Variants in JPT2 observed in about 807,000 individuals in gnomAD.
JPT2 encodes Jupiter microtubule associated homolog 2.
A neutral mutation model predicts 15.9 loss-of-function variants in JPT2; 9 were observed. The ratio of observed to expected loss-of-function variants is 0.57; its 90% CI spans 0.34 to 0.99. The LOEUF (loss-of-function observed/expected upper bound fraction) is 0.99. Among genes scored for constraint, JPT2 ranks in the 50% least tolerant of loss-of-function variants. The pLI is 0.02. For missense variants in JPT2, 267 were observed against 252.1 expected, an observed-to-expected ratio of 1.06 and a Z score of -0.40; for synonymous variants, 95 against 91.7, an observed-to-expected ratio of 1.04 and a Z score of -0.21.
intron 3 of JPT2, among the ~76,000 whole-genome samples, chr16:1,693,919 T>G (rs1483428278): frequency 6.6e-6 from 1 of 151,942 alleles, no homozygotes; most frequent in African/African-American, 2.4e-5. Flanking sequence ...TGGATTTAAA[T>G]TCACCAACTG....
chr16:1,699,107 A>C lies in JPT2; in HGVS notation c.*109A>C. On this transcript the variant is annotated 3_prime_UTR_variant, in exon 5 of 5. Transcript: ENST00000248098. ...GCGGGGTGGGAAGAGGGTTAGTCTT[A>C]TGTGAGCCTGGCTGCTCAGCGTCTC... The C allele has an allele frequency of 8.5e-7, 1 of 1,171,082 alleles. No individual in the cohort carries two copies. Among genetic ancestry groups the C allele is most frequent in the Non-Finnish European group, 1.3e-6 (1 of 795,752 alleles). 72.5% of individuals were successfully genotyped at this position (1,171,082 alleles called of 1,614,324 possible). A position where few individuals can be genotyped will look rare whatever the true frequency, so the allele number is the denominator to read the frequency against.
At chr16:1,688,502 C>G (rs1249917577) in intron 2 of JPT2, 1 of 152,246 alleles carries the variant, frequency 6.6e-6, no homozygotes. Flanking sequence ...TTTTTCAGGG[C>G]ATTGCCTGGT....
At chr16:1,681,822 G>A (rs985613804) in intron 1 of JPT2, among the ~76,000 whole-genome samples, 1 of 152,178 alleles carries the variant, frequency 6.6e-6, no homozygotes, top group Non-Finnish European at 1.5e-5. Context: ...GGAATGTGGG[G>A]TCGGGAAAGA....
Position 1,700,529 on chromosome 16 carries a change from T to TTTTTTAATGATACG in JPT2, c.*1531_*1532insTTTTTAATGATACG. 1.1e-4 allele frequency: 21 copies of TTTTTTAATGATACG among 186,550 alleles called. No homozygotes were observed. Among genetic ancestry groups the TTTTTTAATGATACG allele is most frequent in the East Asian group, 3.4e-4 (3 of 8,766 alleles). The allele number at this position is 186,550 out of a possible 1,614,324, so 11.6% of individuals were successfully genotyped here. ...CATGCTGCCTCACTGCTTAAGTGCC[T>TTTTTTAATGATACG]GCAGGAGCCGCCTGCCAAGCTCCCC... On this transcript the variant is annotated 3_prime_UTR_variant, in exon 5 of 5. Coordinates refer to ENST00000248098, the MANE Select transcript of JPT2 (RefSeq NM_144570.3).
chr16:1,683,489 T>C, intron 1 of JPT2: 1 of 1,475,470 alleles, frequency 6.8e-7, no homozygotes, highest in Non-Finnish European at 9.1e-7. Flanking sequence ...TTTTTTTTTC[T>C]CCCTCCTCAA....
rs751739235 is a variant in JPT2, at chr16:1,685,471, A to G, written c.77A>G (p.Asn26Ser). Residue 26 changes from asparagine (N) to serine (S), a missense_variant, in exon 2 of 5, where the codon AAT (asparagine) becomes AGT (serine). By Grantham distance (46) the Asn-to-Ser change is conservative. Transcript: ENST00000248098. Reference protein sequence around the residue: ...AMKPPGGESSNLFGSPEEATP... With the variant: ...AMKPPGGESSSLFGSPEEATP... Reference sequence around the variant, plus strand: ...AAGCCCCCAGGAGGAGAATCGAGCAATCTTTTTGGAAGTCCAGAAGAAGCT... The same window carrying G: ...AAGCCCCCAGGAGGAGAATCGAGCAGTCTTTTTGGAAGTCCAGAAGAAGCT... The G allele has an allele frequency of 6.2e-7, 1 of 1,614,206 alleles. No homozygotes were observed. Among genetic ancestry groups the G allele is most frequent in the Non-Finnish European group, 8.5e-7 (1 of 1,180,026 alleles).
intron 3 of JPT2, among the ~76,000 whole-genome samples, chr16:1,697,568 T>A (rs984583525): frequency 5.3e-5 from 8 of 152,088 alleles, no homozygotes; most frequent in South Asian, 4.1e-4. Context: ...ATATTCGCAG[T>A]TTTGAGGGTG....
Position 1,682,139 on chromosome 16 carries a change from G to A in JPT2, c.45-3300G>A, listed in dbSNP as rs540841319. The stretch of plus-strand genomic sequence containing the variant: ...GCCTGTAATCCCAGCACTTTGGGAG[G>A]CCGAGGCGGGCGGATCACTTGAGGT... On this transcript the variant is annotated intron_variant, in intron 1 of 4. Transcript: ENST00000248098. 2.6e-5 allele frequency among the ~76,000 whole-genome samples: 4 copies of A among 152,288 alleles called. No individual in the cohort carries two copies. The East Asian group carries it at 7.7e-4, about 29-fold the overall frequency.
chr16:1,679,557 C>T lies in JPT2; in HGVS notation c.44+1201C>T, dbSNP rs147797551. Among the ~76,000 whole-genome samples the T allele has an allele frequency of 4.1e-3, 611 of 150,658 alleles. 3 individuals are homozygous for T. Among genetic ancestry groups the T allele is most frequent in the Non-Finnish European group, 5.5e-3 (372 of 67,716 alleles). ...ACTAAAAATGCAAAAATTAGCCAGG[C>T]GTGGTGGTGTGTGCCTGTAGTCCCA... On this transcript the variant is annotated intron_variant, in intron 1 of 4. Coordinates refer to ENST00000248098, the MANE Select transcript of JPT2 (RefSeq NM_144570.3).
At position 1,700,543 on chromosome 16, in the gene JPT2, GCCA is replaced by G; in HGVS notation, c.*1546_*1548del. The G allele has an allele frequency of 1.3e-4, 25 of 185,998 alleles. No individual in the cohort carries two copies. The highest frequency in any genetic ancestry group is 4.6e-4 in the East Asian group (4 of 8,718). The allele number at this position is 185,998 out of a possible 1,614,324, so 11.5% of individuals were successfully genotyped here. A position where few individuals can be genotyped will look rare whatever the true frequency, so the allele number is the denominator to read the frequency against. On this transcript the variant is annotated 3_prime_UTR_variant, in exon 5 of 5. Transcript: ENST00000248098. ...GCTTAAGTGCCTGCAGGAGCCGCCT[GCCA>G]AGCTCCCCTTCCTACACCTGGCACA... is the stretch of plus-strand genomic sequence containing the variant.
intron 2 of JPT2, among the ~76,000 whole-genome samples, chr16:1,690,937 C>A (rs1344566771): frequency 6.6e-6 from 1 of 152,230 alleles, no homozygotes; most frequent in East Asian, 1.9e-4. Context: ...CTTTTATTAT[C>A]CCCATTCTAC....
At chr16:1,692,970 G>A (rs1472675900) in intron 3 of JPT2, among the ~76,000 whole-genome samples, 1 of 152,198 alleles carries the variant, frequency 6.6e-6, no homozygotes, top group African/African-American at 2.4e-5. Context: ...CATTGATCGC[G>A]GCCAGCCTGG....
chr16:1,687,813 G>C (rs914711332), intron 2 of JPT2, among the ~76,000 whole-genome samples: 1 of 152,336 alleles, frequency 6.6e-6, no homozygotes, highest in Non-Finnish European at 1.5e-5. Flanking sequence ...AAGGGAAACT[G>C]CTAGTTGTGT....
rs1033650464 is a variant in JPT2, at chr16:1,698,300, C to T, written c.385+440C>T. Among the ~76,000 whole-genome samples the T allele has an allele frequency of 1.3e-5, 2 of 152,212 alleles. No individual in the cohort carries two copies. Among genetic ancestry groups the T allele is most frequent in the African/African-American group, 4.8e-5 (2 of 41,458 alleles). On this transcript the variant is annotated intron_variant, in intron 4 of 4. Coordinates refer to ENST00000248098, the MANE Select transcript of JPT2 (RefSeq NM_144570.3). The surrounding 1 kb of genome is among the most constrained non-coding windows in gnomAD (Gnocchi z 4.9). ...GAGCGGCAGACTTCGACTCTCCCCA[C>T]GGCTCTTTAGCCTGACCATGGGCAT... is the stretch of plus-strand genomic sequence containing the variant.
intron 3 of JPT2, among the ~76,000 whole-genome samples, chr16:1,692,962 T>C (rs536186964): frequency 1.3e-5 from 2 of 152,346 alleles, no homozygotes; most frequent in South Asian, 4.1e-4. Context: ...GATGAGGGCA[T>C]TGATCGCGGC....
At chr16:1,679,172 CAGTA>C (rs2037000159) in intron 1 of JPT2, among the ~76,000 whole-genome samples, 1 of 152,214 alleles carries the variant, frequency 6.6e-6, no homozygotes. Flanking sequence ...GCCACTTGAG[CAGTA>C]AACTTGCATT....
downstream of JPT2, chr16:1,702,182 G>A (rs1332077320): frequency 2.2e-6 from 1 of 456,030 alleles, no homozygotes; most frequent in Non-Finnish European, 4.4e-6. Context: ...GAGCCTGAGA[G>A]TTCCTCTCTA....
chr16:1,678,332 G>GCGAGGGCGGCCGCGCCGGCTC lies in JPT2; in HGVS notation c.22_42dup (p.Glu8_Ser14dup), dbSNP rs2036989406. 3.2e-6 allele frequency: 4 copies of GCGAGGGCGGCCGCGCCGGCTC among 1,235,938 alleles called. No homozygotes were observed. Among genetic ancestry groups the GCGAGGGCGGCCGCGCCGGCTC allele is most frequent in the Non-Finnish European group, 4.1e-6 (4 of 987,368 alleles). 76.6% of individuals were successfully genotyped at this position (1,235,938 alleles called of 1,614,324 possible). A position where few individuals can be genotyped will look rare whatever the true frequency, so the allele number is the denominator to read the frequency against. ...GTCGACATGTTCCAGGTCCCGGATA[G>GCGAGGGCGGCCGCGCCGGCTC]CGAGGGCGGCCGCGCCGGCTCCAGG... On this transcript the variant is annotated inframe_insertion, in exon 1 of 5. Transcript: ENST00000248098.
In JPT2 at chr16:1,678,286, G is replaced by A; in HGVS notation, c.-27G>A. 1.6e-6 allele frequency: 2 copies of A among 1,235,714 alleles called. No homozygotes were observed. The highest frequency in any genetic ancestry group is 2.3e-4 in the Middle Eastern group (1 of 4,306). 76.5% of individuals were successfully genotyped at this position (1,235,714 alleles called of 1,614,324 possible). A position where few individuals can be genotyped will look rare whatever the true frequency, so the allele number is the denominator to read the frequency against. ...CGCTGGGCGGGCGGGAACGGCGCGC[G>A]GCGAGCTGAGGGTGGCGGCGGTCGA... On this transcript the variant is annotated 5_prime_UTR_variant, in exon 1 of 5. Coordinates refer to ENST00000248098, the MANE Select transcript of JPT2 (RefSeq NM_144570.3).
Sources: allele counts gnomAD v4.1 joint callset (sites outside exome capture counted in the v4.1 genomes callset), GRCh38; gene constraint gnomAD v4.1.1; non-coding constraint Gnocchi (gnomAD v3.1); transcripts MANE v1.5; gene names NCBI Gene and HGNC (gene_info 2026-07-23, HGNC 2026-07-21).